The following ITSN1 variants were observed in gnomAD, a reference collection of about 807,000 sequenced individuals.
ITSN1 encodes the protein intersectin 1.
In ITSN1, 58 loss-of-function variants were observed where a neutral mutation model predicts 239.8. The observed-to-expected ratio is 0.24, with a 90% CI of 0.20 to 0.30. The LOEUF (loss-of-function observed/expected upper bound fraction) is 0.30. Ranked by LOEUF, ITSN1 falls within the 10% of genes least tolerant of loss-of-function variation. ITSN1 has a pLI of 1.00. For synonymous variants in ITSN1, 780 were observed against 770.8 expected, an observed-to-expected ratio of 1.01 and a Z score of -0.20; for missense variants, 1,558 against 2,103.3, an observed-to-expected ratio of 0.74 and a Z score of 5.07.
chr21:33,666,655 T>C (rs536115115), intron 1 of ITSN1, among the ~76,000 whole-genome samples: 9 of 152,312 alleles, frequency 5.9e-5, no homozygotes, highest in Non-Finnish European at 1.3e-4. Context: ...ATGAAAGCCA[T>C]GAGAGTTTTA....
chr21:33,804,673 T>C (rs1202823830), intron 20 of ITSN1, among the ~76,000 whole-genome samples: 1 of 152,190 alleles, frequency 6.6e-6, no homozygotes, highest in Non-Finnish European at 1.5e-5. Context: ...ATCCGTAACA[T>C]GTTAGTAGAA....
At chr21:33,729,370 G>A (rs2066024400) in intron 4 of ITSN1, among the ~76,000 whole-genome samples, 1 of 151,722 alleles carries the variant, frequency 6.6e-6, no homozygotes, top group South Asian at 2.1e-4. Context: ...GATCACTTGA[G>A]CTGAGGATTC....
rs2072453312 is a variant in ITSN1 at position 33,806,388 on chromosome 21, T to A, written c.2319+3944T>A. 2.0e-5 allele frequency among the ~76,000 whole-genome samples: 3 copies of A among 152,334 alleles called. No individual in the cohort carries two copies. In the South Asian group the frequency reaches 6.2e-4, roughly 32 times the overall value. On this transcript the variant is annotated intron_variant, in intron 20 of 39. Coordinates refer to ENST00000381318, the MANE Select transcript of ITSN1 (RefSeq NM_003024.3). ...CTGTTTGCTACACTTGTTTATCATG[T>A]TCTATGAGGGGAAAAAGGAATTTCT...
At chr21:33,671,662 C>G (rs1252617761) in intron 1 of ITSN1, among the ~76,000 whole-genome samples, 1 of 151,560 alleles carries the variant, frequency 6.6e-6, no homozygotes, top group Admixed American at 6.6e-5. Flanking sequence ...AATTAGCAGG[C>G]ATGGTGGCGC....
intron 39 of ITSN1, 62 bp from the exon 40 acceptor site, chr21:33,888,090 G>A: frequency 6.4e-7 from 1 of 1,565,380 alleles, no homozygotes; most frequent in South Asian, 1.2e-5. Flanking sequence ...CAATATGCCA[G>A]ACATGTGCCT....
chr21:33,713,746 G>C (rs917133711), intron 1 of ITSN1, among the ~76,000 whole-genome samples: 3 of 151,712 alleles, frequency 2.0e-5, no homozygotes, highest in Non-Finnish European at 4.4e-5. Context: ...GGTTCCTTAG[G>C]AGCCAAGGAG....
intron 1 of ITSN1, among the ~76,000 whole-genome samples, chr21:33,702,727 C>T (rs190346971): frequency 9.2e-5 from 14 of 152,292 alleles, no homozygotes; most frequent in African/African-American, 2.9e-4. Context: ...AACATTGGAA[C>T]TGAAATAACA....
At chr21:33,821,270 A>T (rs1042694091) in intron 24 of ITSN1, among the ~76,000 whole-genome samples, 1 of 127,346 alleles carries the variant, frequency 7.9e-6, no homozygotes, top group Non-Finnish European at 1.6e-5. Context: ...TTAAATTCTG[A>T]TCTTAGTTTG....
intron 5 of ITSN1, among the ~76,000 whole-genome samples, chr21:33,745,221 A>G (rs916106293): frequency 3.9e-5 from 6 of 152,228 alleles, no homozygotes; most frequent in Non-Finnish European, 8.8e-5. Flanking sequence ...TGCAGGAAAT[A>G]CAGAATATAG....
At chr21:33,728,025 C>T (rs900150439) in intron 4 of ITSN1, among the ~76,000 whole-genome samples, 18 of 150,112 alleles carry the variant, frequency 1.2e-4, no homozygotes, top group African/African-American at 4.2e-4. Flanking sequence ...TGGGCAGTGG[C>T]GCAATCTGGG....
At chr21:33,805,792 C>T in intron 20 of ITSN1, among the ~76,000 whole-genome samples, 1 of 151,608 alleles carries the variant, frequency 6.6e-6, no homozygotes, top group Non-Finnish European at 1.5e-5. Flanking sequence ...CTGCCTCAGC[C>T]TCCCGAGTAG....
In ITSN1 at chr21:33,896,895, A is replaced by C. The variant is rs901227590; in HGVS notation, c.*8595A>C. The C allele has an allele frequency of 6.6e-6, 1 of 152,230 alleles. No homozygotes were observed. Among genetic ancestry groups the C allele is most frequent in the Admixed American group, 6.5e-5 (1 of 15,284 alleles). 9.4% of individuals were successfully genotyped at this position (152,230 alleles called of 1,614,324 possible). A position where few individuals can be genotyped will look rare whatever the true frequency, so the allele number is the denominator to read the frequency against. On this transcript the variant is annotated 3_prime_UTR_variant, in exon 40 of 40. Coordinates refer to ENST00000381318, the MANE Select transcript of ITSN1 (RefSeq NM_003024.3). The stretch of plus-strand genomic sequence containing the variant: ...ATTTGCTAAGTAAAAATGTTGACAG[A>C]AATTGCAAACTCATCTCACCTGGAT...
chr21:33,863,850 C>A (rs1194276981), intron 31 of ITSN1, among the ~76,000 whole-genome samples: 1 of 152,196 alleles, frequency 6.6e-6, no homozygotes, highest in African/African-American at 2.4e-5. Flanking sequence ...TCACACCAAC[C>A]CCTCAATGGG....
intron 1 of ITSN1, among the ~76,000 whole-genome samples, chr21:33,645,087 G>T (rs2087813755): frequency 6.6e-6 from 1 of 152,148 alleles, no homozygotes; most frequent in Non-Finnish European, 1.5e-5. Context: ...GCCTCCCAAA[G>T]AGCTAGGATT....
rs772844330 is a variant in ITSN1 at position 33,797,374 on chromosome 21, G to A, written c.1953-5G>A. 3.1e-6 allele frequency: 5 copies of A among 1,612,848 alleles called. No homozygotes were observed. The highest frequency in any genetic ancestry group is 4.2e-6 in the Non-Finnish European group (5 of 1,179,206). ...CTTGCTGTAATCAAGCGTGTTTGTTGGCAGACGAGCTCAGGAAAGGGACAA... is the reference window on the plus strand; with the variant it reads ...CTTGCTGTAATCAAGCGTGTTTGTTAGCAGACGAGCTCAGGAAAGGGACAA... On this transcript the variant is annotated splice_polypyrimidine_tract_variant and splice_region_variant and intron_variant, in intron 17 of 39. Coordinates refer to ENST00000381318, the MANE Select transcript of ITSN1 (RefSeq NM_003024.3). The surrounding 1 kb of genome is among the most constrained non-coding windows in gnomAD (Gnocchi z 4.9).
intron 1 of ITSN1, among the ~76,000 whole-genome samples, chr21:33,693,314 C>A (rs2146692588): frequency 6.6e-6 from 1 of 151,714 alleles, no homozygotes; most frequent in South Asian, 2.1e-4. Context: ...TTTGCTCATA[C>A]CCTTCTTGCT....
At chr21:33,713,509 T>G (rs1269724769) in intron 1 of ITSN1, among the ~76,000 whole-genome samples, 1 of 66,942 alleles carries the variant, frequency 1.5e-5, no homozygotes, top group Non-Finnish European at 2.8e-5. Context: ...CCCAGAGTGC[T>G]GGGATTACAG....
At position 33,791,055 on chromosome 21, in the gene ITSN1, T is replaced by C. The variant is rs201124273; in HGVS notation, c.1825-3286T>C. On this transcript the variant is annotated intron_variant, in intron 16 of 39. Transcript: ENST00000381318. The stretch of plus-strand genomic sequence containing the variant: ...AGTCATTCACTCATTTTTTTAAGAG[T>C]ATATATTTCTTCATTCTATAGATTG... Among the ~76,000 whole-genome samples the C allele has an allele frequency of 3.9e-5, 6 of 152,150 alleles. No homozygotes were observed. In the East Asian group the frequency reaches 1.2e-3, roughly 29 times the overall value.
intron 1 of ITSN1, among the ~76,000 whole-genome samples, chr21:33,707,008 C>T (rs1336239269): frequency 6.6e-6 from 1 of 152,300 alleles, no homozygotes; most frequent in East Asian, 1.9e-4. Context: ...CAGGTGTGAG[C>T]CACTGCACCT....
Sources: gnomAD v4.1 joint callset for allele counts (sites outside exome capture counted in the v4.1 genomes callset) on GRCh38, gnomAD v4.1.1 for gene constraint, Gnocchi (gnomAD v3.1) non-coding constraint, MANE v1.5 for transcripts, NCBI Gene and HGNC (gene_info 2026-07-23, HGNC 2026-07-21) for gene names.